Variants in FAT3 observed in about 807,000 individuals in gnomAD.
The protein encoded by FAT3 is protocadherin Fat 3.
In FAT3, 95 loss-of-function variants were observed where a neutral mutation model predicts 310.2. The ratio of observed to expected loss-of-function variants is 0.31; its 90% CI spans 0.26 to 0.36. FAT3 has a LOEUF of 0.36. Ranked by LOEUF, FAT3 falls within the 10% of genes least tolerant of loss-of-function variation. The probability of loss-of-function intolerance (pLI) is 1.00; values close to 1 mark genes in which losing one functional copy is unlikely to be tolerated. For missense variants in FAT3, 5,408 were observed against 5,715.6 expected, an observed-to-expected ratio of 0.95 and a Z score of 1.74; for synonymous variants, 2,314 against 2,192.9, an observed-to-expected ratio of 1.06 and a Z score of -1.54.
At chr11:92,321,702 C>T (rs1020013488) in intron 1 of FAT3, among the ~76,000 whole-genome samples, 3 of 152,142 alleles carry the variant, frequency 2.0e-5, no homozygotes, top group Non-Finnish European at 4.4e-5. Context: ...TAAATCCTGA[C>T]TTTGTGGTTT....
intron 4 of FAT3, among the ~76,000 whole-genome samples, chr11:92,713,981 A>G (rs1944600056): frequency 6.6e-6 from 1 of 151,088 alleles, no homozygotes. Context: ...TTCAAATCAA[A>G]TAAAAGCATA....
At chr11:92,872,004 C>T (rs1196950119) in intron 22 of FAT3, among the ~76,000 whole-genome samples, 1 of 152,076 alleles carries the variant, frequency 6.6e-6, no homozygotes, top group African/African-American at 2.4e-5. Flanking sequence ...CTTTGTACCC[C>T]AGTCAGGAGA....
chr11:92,881,601 G>C (rs1949672006), intron 23 of FAT3, among the ~76,000 whole-genome samples: 1 of 152,096 alleles, frequency 6.6e-6, no homozygotes, highest in Non-Finnish European at 1.5e-5. Context: ...ATTTCCGGCT[G>C]TCCTCACCTC....
At chr11:92,303,842 G>T (rs1947057062) in intron 1 of FAT3, among the ~76,000 whole-genome samples, 1 of 152,082 alleles carries the variant, frequency 6.6e-6, no homozygotes, top group Non-Finnish European at 1.5e-5. Flanking sequence ...AGCTGACATT[G>T]CAAACCTTGA....
intron 13 of FAT3, among the ~76,000 whole-genome samples, chr11:92,827,816 G>T (rs893259281): frequency 1.3e-5 from 2 of 152,078 alleles, no homozygotes; most frequent in African/African-American, 4.8e-5. Context: ...TGAGCAAAAG[G>T]GATTTTAATC....
At chr11:92,285,898 C>T (rs888133353) in intron 1 of FAT3, among the ~76,000 whole-genome samples, 2 of 152,048 alleles carry the variant, frequency 1.3e-5, no homozygotes, top group African/African-American at 2.4e-5. Flanking sequence ...CTAGAATGTT[C>T]CACCTTGTTT....
At chr11:92,792,333 G>A (rs1430134877) in intron 8 of FAT3, among the ~76,000 whole-genome samples, 1 of 152,140 alleles carries the variant, frequency 6.6e-6, no homozygotes, top group Non-Finnish European at 1.5e-5. Flanking sequence ...AATGTTAGTT[G>A]AATGGATGAG....
In FAT3 at chr11:92,705,407, T is replaced by C. The variant is rs1944251260; in HGVS notation, c.3669+7962T>C. ...GTGGTGGTGGTGGTGATGGTGGTGGTGGTGATGGTGGTAGTGGTGGTGGTG... is the reference window on the plus strand; with the variant it reads ...GTGGTGGTGGTGGTGATGGTGGTGGCGGTGATGGTGGTAGTGGTGGTGGTG... On this transcript the variant is annotated intron_variant, in intron 4 of 27. Transcript: ENST00000525166. Among the ~76,000 whole-genome samples, 2 of 56,854 alleles carry C rather than the reference T, an allele frequency of 3.5e-5. 1 individual carries two copies. Among genetic ancestry groups the C allele is most frequent in the South Asian group, 1.3e-3 (2 of 1,490 alleles). 37.3% of individuals were successfully genotyped at this position (56,854 alleles called of 152,430 possible).
rs1195146881 is a variant in FAT3, at chr11:92,232,627, CGTT to C, written c.-18+7454_-18+7456del. Among the ~76,000 whole-genome samples the C allele has an allele frequency of 5.1e-4, 45 of 88,070 alleles. No individual in the cohort carries two copies. In the East Asian group the frequency reaches 0.011, roughly 21 times the overall value. The allele number at this position is 88,070 out of a possible 152,430, so 57.8% of individuals were successfully genotyped here. On this transcript the variant is annotated intron_variant, in intron 1 of 27. Transcript: ENST00000525166. ...TTGTGCTTCTTGACTTCAGTGATGTCGTTTTTTTTTTTTTTTTTTTTTTTTTTG... is the reference window on the plus strand; with the variant it reads ...TTGTGCTTCTTGACTTCAGTGATGTCTTTTTTTTTTTTTTTTTTTTTTTTG...
chr11:92,800,864 C>G lies in FAT3; in HGVS notation c.7851C>G (p.His2617Gln). ...ASVRADVGRG[H>Q]LVTQVQAIDP... Reference sequence around the variant, plus strand: ...TCAGGGCAGATGTTGGAAGGGGCCACTTGGTCACTCAAGTTCAAGCCATAG... The same window carrying G: ...TCAGGGCAGATGTTGGAAGGGGCCAGTTGGTCACTCAAGTTCAAGCCATAG... Residue 2617 changes from histidine (H) to glutamine (Q), a missense_variant, in exon 10 of 28, where the codon CAC (histidine) becomes CAG (glutamine). His to Gln is a conservative substitution (Grantham distance 24, BLOSUM62 0). This residue lies in a region of FAT3 where 4,588 missense variants were observed against 4,809.8 expected (regional missense o/e 0.95). Transcript: ENST00000525166. 1 of 1,613,442 alleles carries G rather than the reference C, an allele frequency of 6.2e-7. No individual in the cohort carries two copies. The highest frequency in any genetic ancestry group is 8.5e-7 in the Non-Finnish European group (1 of 1,179,718).
At chr11:92,398,357 C>T (rs1260883783) in intron 2 of FAT3, among the ~76,000 whole-genome samples, 1 of 151,874 alleles carries the variant, frequency 6.6e-6, no homozygotes, top group Non-Finnish European at 1.5e-5. Context: ...AAAAATTAGC[C>T]AGGCATGGTG....
rs966809043 is a variant in FAT3 at position 92,719,756 on chromosome 11, G to A, written c.3669+22311G>A. ...TGTGTGTGTGTGTGTGTGTGTGTGTGTGTGTGTGTGTGTGTATAATTTTCT... is the reference window on the plus strand; with the variant it reads ...TGTGTGTGTGTGTGTGTGTGTGTGTATGTGTGTGTGTGTGTATAATTTTCT... On this transcript the variant is annotated intron_variant, in intron 4 of 27. Transcript: ENST00000525166. Among the ~76,000 whole-genome samples, 6 of 150,550 alleles carry A rather than the reference G, an allele frequency of 4.0e-5. No individual in the cohort carries two copies. In the East Asian group the frequency reaches 7.8e-4, roughly 19 times the overall value.
chr11:92,656,328 A>G (rs991758353), intron 3 of FAT3, among the ~76,000 whole-genome samples: 13 of 152,292 alleles, frequency 8.5e-5, no homozygotes, highest in Admixed American at 7.8e-4. Flanking sequence ...AAAATCTACC[A>G]TAGTGCTGAT....
chr11:92,446,848 A>T (rs1212365294), intron 2 of FAT3, among the ~76,000 whole-genome samples: 1 of 152,150 alleles, frequency 6.6e-6, no homozygotes, highest in East Asian at 1.9e-4. Context: ...ACCAAGCAAA[A>T]CTACTTTCTG....
At chr11:92,726,508 A>G (rs886582185) in intron 4 of FAT3, among the ~76,000 whole-genome samples, 4 of 152,154 alleles carry the variant, frequency 2.6e-5, no homozygotes, top group African/African-American at 9.7e-5. Context: ...TGGTTAGTAA[A>G]AGAATGATAA....
At chr11:92,407,061 A>G (rs1026070685) in intron 2 of FAT3, among the ~76,000 whole-genome samples, 1 of 152,174 alleles carries the variant, frequency 6.6e-6, no homozygotes, top group African/African-American at 2.4e-5. Context: ...TTTAAGGTGA[A>G]ACTCAATTGT....
chr11:92,425,843 T>A (rs560157107), intron 2 of FAT3, among the ~76,000 whole-genome samples: 1 of 152,338 alleles, frequency 6.6e-6, no homozygotes, highest in African/African-American at 2.4e-5. Context: ...CCAGTAAACA[T>A]ATGTGTGCAT....
At chr11:92,660,095 T>TC (rs1340484402) in intron 3 of FAT3, among the ~76,000 whole-genome samples, 4 of 149,986 alleles carry the variant, frequency 2.7e-5, no homozygotes, top group Non-Finnish European at 4.5e-5. Context: ...CTTAGTATTC[T>TC]TTTTTTTTTC....
intron 2 of FAT3, among the ~76,000 whole-genome samples, chr11:92,465,964 T>C (rs1391185904): frequency 6.6e-6 from 1 of 152,184 alleles, no homozygotes; most frequent in Non-Finnish European, 1.5e-5. Context: ...ATTACCATAG[T>C]CATAAATAGT....
Sources: gnomAD v4.1 joint callset for allele counts (sites outside exome capture counted in the v4.1 genomes callset) on GRCh38, gnomAD v4.1.1 for gene constraint, gnomAD v4.1.1 regional missense constraint, MANE v1.5 for transcripts, NCBI Gene and HGNC (gene_info 2026-07-23, HGNC 2026-07-21) for gene names.